The following VSTM4 variants were observed in gnomAD, a reference collection of about 807,000 sequenced individuals.
VSTM4 encodes V-set and transmembrane domain-containing protein 4.
A neutral mutation model predicts 36.4 loss-of-function variants in VSTM4; 20 were observed. The ratio of observed to expected loss-of-function variants is 0.55; its 90% CI spans 0.39 to 0.80. VSTM4 has a LOEUF of 0.80. VSTM4 is among the 30% of genes least tolerant of loss of function. The pLI is 0.00. For missense variants in VSTM4, 392 were observed against 404.5 expected (o/e 0.97, Z 0.26); for synonymous variants, 182 against 173.9 (o/e 1.05, Z -0.37).
At chr10:49,027,468 G>T (rs1400229604) in intron 7 of VSTM4, among the ~76,000 whole-genome samples, 1 of 152,116 alleles carries the variant, frequency 6.6e-6, no homozygotes, top group Non-Finnish European at 1.5e-5. Flanking sequence ...TGTTTTAAAT[G>T]ACATGGGGTA....
intron 5 of VSTM4, among the ~76,000 whole-genome samples, chr10:49,055,414 G>A (rs1203638115): frequency 3.3e-5 from 5 of 152,198 alleles, no homozygotes; most frequent in Admixed American, 6.5e-5. Context: ...CAGCACACTC[G>A]CCACCCCATA....
chr10:49,073,041 G>A (rs917156240), intron 4 of VSTM4, among the ~76,000 whole-genome samples: 1 of 152,206 alleles, frequency 6.6e-6, no homozygotes, highest in African/African-American at 2.4e-5. Context: ...TCAAAGCCAG[G>A]AAGGAAGTCT....
intron 7 of VSTM4, among the ~76,000 whole-genome samples, chr10:49,035,319 C>T (rs1160481765): frequency 6.6e-6 from 1 of 152,184 alleles, no homozygotes; most frequent in Non-Finnish European, 1.5e-5. Flanking sequence ...AAATAGAAGA[C>T]TGGGAAAGCA....
intron 4 of VSTM4, among the ~76,000 whole-genome samples, chr10:49,070,707 TAGGCTCCAAGTCCCGTGCTCCA>T (rs551118549): frequency 1.3e-4 from 20 of 152,296 alleles, no homozygotes; most frequent in Non-Finnish European, 2.5e-4. Context: ...AGCTTGAATC[TAGGCTCCAAGTCCCGTGCTCCA>T]GGGAGGCTAA....
chr10:49,057,028 G>A (rs777627525), intron 5 of VSTM4, among the ~76,000 whole-genome samples: 1 of 151,926 alleles, frequency 6.6e-6, no homozygotes, highest in Non-Finnish European at 1.5e-5. Flanking sequence ...AGACGGAGGA[G>A]GGGCCAGGCT....
Position 49,019,789 on chromosome 10 carries a change from A to C in VSTM4, c.838-14T>G, listed in dbSNP as rs530591184. 6.2e-7 allele frequency: 1 copy of C among 1,606,242 alleles called. No individual in the cohort carries two copies. The highest frequency in any genetic ancestry group is 1.1e-5 in the South Asian group (1 of 90,182). ...AGCAATCTTTGGCTATAAAAGAAAA[A>C]ACAAAACAAAACACAATTCTAGCTG... On this transcript the variant is annotated splice_polypyrimidine_tract_variant and intron_variant, in intron 7 of 7. Transcript: ENST00000332853.
intron 7 of VSTM4, among the ~76,000 whole-genome samples, chr10:49,025,249 C>T (rs1402389191): frequency 6.6e-6 from 1 of 152,054 alleles, no homozygotes; most frequent in African/African-American, 2.4e-5. Context: ...CAAATGAATA[C>T]ATAAGTCAAG....
intron 2 of VSTM4, among the ~76,000 whole-genome samples, chr10:49,092,528 A>G (rs1233459991): frequency 6.6e-6 from 1 of 152,204 alleles, no homozygotes; most frequent in Non-Finnish European, 1.5e-5. Context: ...CAGAAGTGTT[A>G]TCTACAAAGT....
chr10:49,054,157 C>T (rs543777518), intron 5 of VSTM4, among the ~76,000 whole-genome samples: 1 of 152,136 alleles, frequency 6.6e-6, no homozygotes. Context: ...TGTTGGCCTG[C>T]TTCCTCTGGC....
At position 49,018,173 on chromosome 10, in the gene VSTM4, G is replaced by T. The variant is rs1406921650; in HGVS notation, c.*1477C>A. 6.6e-6 allele frequency: 1 copy of T among 152,190 alleles called. No individual in the cohort carries two copies. The highest frequency in any genetic ancestry group is 1.5e-5 in the Non-Finnish European group (1 of 68,032). 9.4% of individuals were successfully genotyped at this position (152,190 alleles called of 1,614,324 possible). On this transcript the variant is annotated 3_prime_UTR_variant, in exon 8 of 8. Transcript: ENST00000332853. ...GGCTAAGTTGGTGGACAAATATTTG[G>T]TTTTTAAAGTTATTGCAATGAAAGC... is the stretch of plus-strand genomic sequence containing the variant.
chr10:49,052,693 C>A (rs114418352), intron 5 of VSTM4, among the ~76,000 whole-genome samples: 1 of 152,120 alleles, frequency 6.6e-6, no homozygotes, highest in African/African-American at 2.4e-5. Flanking sequence ...GCACCTTGCA[C>A]GGTGTAGAAT....
chr10:49,039,652 T>C lies in VSTM4; in HGVS notation c.837+7331A>G, dbSNP rs190502155. 3.3e-5 allele frequency among the ~76,000 whole-genome samples: 5 copies of C among 152,150 alleles called. No individual in the cohort carries two copies. In the East Asian group the frequency reaches 9.7e-4, roughly 30 times the overall value. ...TTGCAGATGAGGTGTGGGTGACCCA[T>C]TGTGGAGGAGGGCATGGTTGATGAC... is the stretch of plus-strand genomic sequence containing the variant. On this transcript the variant is annotated intron_variant, in intron 7 of 7. Transcript: ENST00000332853.
intron 2 of VSTM4, among the ~76,000 whole-genome samples, chr10:49,095,613 G>T (rs891804439): frequency 1.3e-5 from 2 of 152,156 alleles, no homozygotes; most frequent in Admixed American, 6.5e-5. Context: ...ACAGCCCAGG[G>T]CTGTCTGCTG....
At chr10:49,075,509 T>C (rs1233132694) in intron 4 of VSTM4, among the ~76,000 whole-genome samples, 1 of 152,268 alleles carries the variant, frequency 6.6e-6, no homozygotes, top group Non-Finnish European at 1.5e-5. Context: ...GGAAGGCCCA[T>C]GCCAAGGCAC....
Position 49,069,213 on chromosome 10 carries a change from G to A in VSTM4, c.635-4477C>T, listed in dbSNP as rs139898407. Among the ~76,000 whole-genome samples the A allele has an allele frequency of 4.3e-3, 649 of 152,200 alleles. 5 individuals are homozygous for A. The highest frequency in any genetic ancestry group is 0.015 in the African/African-American group (621 of 41,524). On this transcript the variant is annotated intron_variant, in intron 4 of 7. Coordinates refer to ENST00000332853, the MANE Select transcript of VSTM4 (RefSeq NM_001031746.5). ...CCTTACTCCCATCTTATCAGGCCCC[G>A]TAACAGTGTTGGGACCTCCAAGGCA... is the stretch of plus-strand genomic sequence containing the variant.
intron 7 of VSTM4, among the ~76,000 whole-genome samples, chr10:49,045,158 T>G (rs79307287): frequency 6.6e-6 from 1 of 152,046 alleles, no homozygotes; most frequent in African/African-American, 2.4e-5. Flanking sequence ...GCCCTCAAGA[T>G]TGTCTTGGCA....
At chr10:49,099,250 C>T (rs1273769417) in intron 2 of VSTM4, among the ~76,000 whole-genome samples, 3 of 152,330 alleles carry the variant, frequency 2.0e-5, no homozygotes, top group East Asian at 1.9e-4. Flanking sequence ...ACGGCTGATT[C>T]GCTGCTATTA....
At chr10:49,039,051 G>C (rs534614791) in intron 7 of VSTM4, among the ~76,000 whole-genome samples, 1 of 152,300 alleles carries the variant, frequency 6.6e-6, no homozygotes, top group South Asian at 2.1e-4. Context: ...AGTGCCCCAA[G>C]AGCTGTCTAC....
chr10:49,077,539 A>T (rs923183989), intron 3 of VSTM4, among the ~76,000 whole-genome samples: 4 of 152,240 alleles, frequency 2.6e-5, no homozygotes, highest in African/African-American at 9.6e-5. Flanking sequence ...GATTTTTGAC[A>T]AAAGTGCAAA....
Sources: gnomAD v4.1 joint callset for allele counts (sites outside exome capture counted in the v4.1 genomes callset) on GRCh38, gnomAD v4.1.1 for gene constraint, MANE v1.5 for transcripts, NCBI Gene and HGNC (gene_info 2026-07-23, HGNC 2026-07-21) for gene names.